The following WFDC3 variants were observed in gnomAD, a reference collection of about 807,000 sequenced individuals.
The protein encoded by WFDC3 is WAP four-disulfide core domain protein 3.
WFDC3 carries 15 observed loss-of-function variants against 25.8 expected under a neutral mutation model. That is an observed-to-expected ratio of 0.58 (90% confidence interval 0.39 to 0.89). WFDC3 has a LOEUF of 0.89. Ranked by LOEUF, WFDC3 falls within the 40% of genes least tolerant of loss-of-function variation. WFDC3 has a pLI of 0.00. For synonymous variants in WFDC3, 103 were observed against 107.1 expected (o/e 0.96, Z 0.24); for missense variants, 264 against 289.8 (o/e 0.91, Z 0.65).
chr20:45,789,263 T>C (rs1288295084), intron 2 of WFDC3, among the ~76,000 whole-genome samples: 2 of 151,050 alleles, frequency 1.3e-5, no homozygotes, highest in African/African-American at 4.9e-5. Flanking sequence ...TCCCAGCACT[T>C]TGGGAGGCCG....
At chr20:45,790,310 C>A (rs1980898292) in intron 1 of WFDC3, among the ~76,000 whole-genome samples, 1 of 152,146 alleles carries the variant, frequency 6.6e-6, no homozygotes, top group Non-Finnish European at 1.5e-5. Flanking sequence ...TCAAAGAGAG[C>A]CCTAAAGGGC....
intron 4 of WFDC3, among the ~76,000 whole-genome samples, chr20:45,785,183 A>G (rs937471937): frequency 1.3e-5 from 2 of 152,202 alleles, no homozygotes; most frequent in Admixed American, 6.5e-5. Context: ...CATAGGATTC[A>G]ACATAGGCCA....
chr20:45,789,792 A>T, intron 2 of WFDC3, 102 bp downstream of exon 2: 1 of 1,019,588 alleles, frequency 9.8e-7, no homozygotes, highest in Non-Finnish European at 1.5e-6. Context: ...GATCATCTCC[A>T]CTTACAAGCA....
chr20:45,788,845 T>C (rs1325865060), intron 3 of WFDC3, 86 bp downstream of exon 3: 20 of 1,509,002 alleles, frequency 1.3e-5, no homozygotes, highest in Non-Finnish European at 1.7e-5. Flanking sequence ...AGAGGCAACC[T>C]AGAAGGTGGG....
At chr20:45,781,287 G>A (rs1831535988) in intron 4 of WFDC3, among the ~76,000 whole-genome samples, 1 of 150,254 alleles carries the variant, frequency 6.7e-6, no homozygotes, top group African/African-American at 2.5e-5. Flanking sequence ...ACATCATCAT[G>A]ATCCCCTACA....
chr20:45,783,989 A>G (rs1980563721), intron 4 of WFDC3, among the ~76,000 whole-genome samples: 1 of 152,178 alleles, frequency 6.6e-6, no homozygotes, highest in African/African-American at 2.4e-5. Flanking sequence ...GGAGATCACT[A>G]TTCTAGCCTG....
Position 45,788,934 on chromosome 20 carries a change from T to G in WFDC3, c.208A>C (p.Lys70Gln). 4.3e-6 allele frequency: 7 copies of G among 1,610,152 alleles called. No individual in the cohort carries two copies. Among genetic ancestry groups the G allele is most frequent in the Non-Finnish European group, 5.9e-6 (7 of 1,178,622 alleles). ...TTTGCCCCTCATGCCAACATACCCTTAGGAATGTCTCGGCAGATCCGACCA... is the reference window on the plus strand; with the variant it reads ...TTTGCCCCTCATGCCAACATACCCTGAGGAATGTCTCGGCAGATCCGACCA... ...GCGRICRDIP[K>Q]GRKRDCPRVI... is the part of the protein sequence containing the mutation. Residue 70 changes from lysine to glutamine, a missense_variant, in exon 3 of 7, where the codon AAG (lysine) becomes CAG (glutamine). Lys to Gln is a moderately conservative substitution (Grantham distance 53). Coordinates refer to ENST00000243938, the MANE Select transcript of WFDC3 (RefSeq NM_080614.2).
chr20:45,776,161 G>C (rs1980133699), intron 5 of WFDC3, among the ~76,000 whole-genome samples: 1 of 152,178 alleles, frequency 6.6e-6, no homozygotes, highest in South Asian at 2.1e-4. Flanking sequence ...AAGGGACTAA[G>C]ATAGCACAAG....
intron 4 of WFDC3, among the ~76,000 whole-genome samples, chr20:45,782,314 T>C (rs1980482367): frequency 6.6e-6 from 1 of 152,212 alleles, no homozygotes; most frequent in East Asian, 1.9e-4. Context: ...TTCACAAACA[T>C]GTAAGCCTTC....
At chr20:45,782,602 T>A (rs1221657798) in intron 4 of WFDC3, among the ~76,000 whole-genome samples, 1 of 152,128 alleles carries the variant, frequency 6.6e-6, no homozygotes, top group East Asian at 1.9e-4. Context: ...GGTCTCAAAC[T>A]CCTGACCTCG....
intron 1 of WFDC3, chr20:45,791,020 G>A: frequency 2.2e-6 from 1 of 460,394 alleles, no homozygotes. Context: ...GTGTCCACTG[G>A]CACTGCTTAG....
At position 45,774,369 on chromosome 20, in the gene WFDC3, C is replaced by G. The variant is rs1945899608; in HGVS notation, c.*59G>C. On this transcript the variant is annotated 3_prime_UTR_variant, in exon 7 of 7. Transcript: ENST00000243938. ...CACAAGCCCCAGGATGTCACCCTCT[C>G]TTGACTGCCAGGAAAAGCTTCCAGA... 6.2e-7 allele frequency: 1 copy of G among 1,613,606 alleles called. No homozygotes were observed. Among genetic ancestry groups the G allele is most frequent in the East Asian group, 2.2e-5 (1 of 44,872 alleles).
chr20:45,777,302 A>T lies in WFDC3; in HGVS notation c.359-93T>A, dbSNP rs116194659. ...TGTGTATGTTTATATATAGTTATAT[A>T]TTTATATACATATATAATGTAAATA... is the stretch of plus-strand genomic sequence containing the variant. On this transcript the variant is annotated intron_variant, in intron 4 of 6. Coordinates refer to ENST00000243938, the MANE Select transcript of WFDC3 (RefSeq NM_080614.2). 1.1e-3 allele frequency: 1,289 copies of T among 1,174,860 alleles called. 16 individuals are homozygous for T. In the African/African-American group the frequency reaches 0.018, roughly 16 times the overall value. 72.8% of individuals were successfully genotyped at this position (1,174,860 alleles called of 1,614,324 possible).
At chr20:45,783,870 C>T (rs1980556666) in intron 4 of WFDC3, among the ~76,000 whole-genome samples, 1 of 152,170 alleles carries the variant, frequency 6.6e-6, no homozygotes, top group Non-Finnish European at 1.5e-5. Context: ...CTAGCCCTCC[C>T]CTAGGGCTGG....
intron 4 of WFDC3, among the ~76,000 whole-genome samples, chr20:45,786,556 C>T (rs905023857): frequency 6.6e-6 from 1 of 152,142 alleles, no homozygotes; most frequent in South Asian, 2.1e-4. Context: ...TCCATGAAAG[C>T]GGGCATGGGA....
intron 5 of WFDC3, among the ~76,000 whole-genome samples, chr20:45,776,274 ATC>A (rs1254962037): frequency 2.5e-5 from 2 of 79,842 alleles, no homozygotes; most frequent in Non-Finnish European, 5.9e-5. Context: ...GAATGCTTTT[ATC>A]TCTGTGTGTG....
chr20:45,790,368 G>A (rs1022529948), intron 1 of WFDC3, among the ~76,000 whole-genome samples: 15 of 152,186 alleles, frequency 9.9e-5, no homozygotes, highest in African/African-American at 3.1e-4. Flanking sequence ...AGGGATTCAC[G>A]ACACTACTTA....
At chr20:45,777,000 TC>T (rs1223470000) in intron 5 of WFDC3, 74 bp downstream of exon 5, 1 of 1,603,298 alleles carries the variant, frequency 6.2e-7, no homozygotes, top group African/African-American at 1.3e-5. Flanking sequence ...GAATCCTAGC[TC>T]CTCCCAGGAA....
chr20:45,777,095 C>G lies in WFDC3; in HGVS notation c.473G>C (p.Cys158Ser), dbSNP rs1243017457. 5.6e-6 allele frequency: 9 copies of G among 1,612,722 alleles called. No homozygotes were observed. Among genetic ancestry groups the G allele is most frequent in the Non-Finnish European group, 5.9e-6 (7 of 1,179,522 alleles). Residue 158 changes from cysteine (C) to serine (S), a missense_variant, in exon 5 of 7, where the codon TGC becomes TCC. Physicochemically the swap from Cys to Ser is moderately radical, Grantham distance 112. Coordinates refer to ENST00000243938, the MANE Select transcript of WFDC3 (RefSeq NM_080614.2). ...KCCSTGCGRTCLGDIEGGRGG... is the reference protein window; with the variant it reads ...KCCSTGCGRTSLGDIEGGRGG... ...CATACCTCCCTCAATGTCTCCGAGG[C>G]AGGTGCGGCCACAGCCGGTGCTGCA...
Sources: allele counts gnomAD v4.1 joint callset (sites outside exome capture counted in the v4.1 genomes callset), GRCh38; gene constraint gnomAD v4.1.1; transcripts MANE v1.5; gene names NCBI Gene and HGNC (gene_info 2026-07-23, HGNC 2026-07-21).